The following SLC19A1 variants were observed in gnomAD, a reference collection of about 807,000 sequenced individuals.
The protein encoded by SLC19A1 is reduced folate transporter.
In SLC19A1, 37 loss-of-function variants were observed where a neutral mutation model predicts 35.3. That is an observed-to-expected ratio of 1.05 (90% CI 0.81 to 1.38). The LOEUF (loss-of-function observed/expected upper bound fraction) is 1.38, where lower values mean the gene tolerates loss of function less well. SLC19A1 is among the 40% of genes most tolerant of loss of function. The pLI, the probability that SLC19A1 is intolerant of heterozygous loss-of-function variation, is 0.00. For missense variants in SLC19A1, 831 were observed against 826.9 expected, an observed-to-expected ratio of 1.00 and a Z score of -0.06; for synonymous variants, 460 against 398.5, an observed-to-expected ratio of 1.15 and a Z score of -1.84.
Position 45,512,703 on chromosome 21 carries a change from C to T in SLC19A1, c.*2955G>A, listed in dbSNP as rs540888320. On this transcript the variant is annotated 3_prime_UTR_variant, in exon 6 of 6. Coordinates refer to ENST00000311124, the MANE Select transcript of SLC19A1 (RefSeq NM_194255.4). ...GCAACCTCTTGGCCTGATCAGACCA[C>T]GGCTCGATTTCTCCAGGATTTCCTG... The T allele has an allele frequency of 1.3e-4, 61 of 461,676 alleles. No homozygotes were observed. The highest frequency in any genetic ancestry group is 1.9e-4 in the Non-Finnish European group (49 of 251,454). 28.6% of individuals were successfully genotyped at this position (461,676 alleles called of 1,614,324 possible). A position where few individuals can be genotyped will look rare whatever the true frequency, so the allele number is the denominator to read the frequency against.
chr21:45,538,064 C>T (rs909435317), intron 1 of SLC19A1, 56 bp from the exon 2 acceptor site: 2 of 1,068,544 alleles, frequency 1.9e-6, no homozygotes, highest in Non-Finnish European at 2.6e-6. Flanking sequence ...GGCCTCCCTA[C>T]CCCGCAAAAC....
intron 5 of SLC19A1, among the ~76,000 whole-genome samples, chr21:45,519,570 CAAAA>C (rs57639933): frequency 5.9e-4 from 34 of 57,224 alleles, no homozygotes; most frequent in Admixed American, 1.6e-3. Flanking sequence ...AACTTCTGAG[CAAAA>C]AAAAAAAAAA....
At chr21:45,511,356 C>T (rs551693979), downstream of SLC19A1, 30 of 686,584 alleles carry the variant, frequency 4.4e-5, no homozygotes, top group African/African-American at 5.1e-4. Context: ...TTTAAAATTA[C>T]AAAATCCAAA....
exon 1 of SLC19A1, among the ~76,000 whole-genome samples, chr21:45,562,867 T>G (rs146086949): frequency 2.0e-5 from 3 of 152,208 alleles, no homozygotes; most frequent in East Asian, 3.9e-4. Flanking sequence ...AGTGTCTAGG[T>G]GTGAATGGAT....
chr21:45,526,070 G>T (rs1433086642), intron 4 of SLC19A1, 112 bp from the exon 5 acceptor site: 2 of 1,179,026 alleles, frequency 1.7e-6, no homozygotes, highest in Admixed American at 2.1e-5. Context: ...GCAGCCACGG[G>T]GTCCCAGGGC....
chr21:45,510,277 C>A, downstream of SLC19A1: 3 of 1,588,224 alleles, frequency 1.9e-6, no homozygotes, highest in Non-Finnish European at 2.6e-6. Flanking sequence ...TCAGTCCAGT[C>A]CTGAGGGCGC....
At chr21:45,521,042 A>G (rs1333023188) in intron 5 of SLC19A1, among the ~76,000 whole-genome samples, 2 of 151,924 alleles carry the variant, frequency 1.3e-5, no homozygotes, top group Non-Finnish European at 2.9e-5. Flanking sequence ...AAACAAACGA[A>G]AAAAAGATAC....
chr21:45,509,410 C>T (rs943626418), downstream of SLC19A1: 2 of 1,541,640 alleles, frequency 1.3e-6, no homozygotes, highest in Non-Finnish European at 8.7e-7. Context: ...CGACAGCAAC[C>T]CCTACCCGCG....
rs2078027425 is a variant in SLC19A1, at chr21:45,534,114, C to T, written c.190-1966G>A. The stretch of plus-strand genomic sequence containing the variant: ...AGGACATTCCGGGACACTCTGAGGG[C>T]AGGTTATGTGCCAGGAGGCTGAGTG... On this transcript the variant is annotated intron_variant, in intron 2 of 5. Coordinates refer to ENST00000311124, the MANE Select transcript of SLC19A1 (RefSeq NM_194255.4). This position sits in a 1 kb window ranked among gnomAD's most constrained non-coding sequence, Gnocchi z 4.2. Among the ~76,000 whole-genome samples, 2 of 152,290 alleles carry T rather than the reference C, an allele frequency of 1.3e-5. No homozygotes were observed. Among genetic ancestry groups the T allele is most frequent in the South Asian group, 2.1e-4 (1 of 4,826 alleles).
Position 45,537,846 on chromosome 21 carries a change from C to A in SLC19A1, c.114G>T (p.Met38Ile). The change falls in exon 2 of 6, where the codon ATG (methionine) becomes ATT (isoleucine). Residue 38 changes from methionine to isoleucine, a missense_variant. Physicochemically the swap from Met to Ile is conservative, Grantham distance 10. Coordinates refer to ENST00000311124, the MANE Select transcript of SLC19A1 (RefSeq NM_194255.4). ...AGCTCTCCCCTGGCCGTATCTGCGC[C>A]ATGAAGCCGTAGAAGCAAAGGTAGC... is the stretch of plus-strand genomic sequence containing the variant. Reference protein sequence around the residue: ...LVCYLCFYGFMAQIRPGESFI... With the variant: ...LVCYLCFYGFIAQIRPGESFI... The A allele has an allele frequency of 6.2e-7, 1 of 1,608,536 alleles. No homozygotes were observed. The highest frequency in any genetic ancestry group is 1.1e-5 in the South Asian group (1 of 90,382).
At chr21:45,509,678 C>T, downstream of SLC19A1, 3 of 846,860 alleles carry the variant, frequency 3.5e-6, no homozygotes, top group Non-Finnish European at 3.9e-6. Flanking sequence ...CCAGCCCCTG[C>T]AGAGCTGCTG....
chr21:45,517,742 C>G lies in SLC19A1; in HGVS notation c.1294-1602G>C, dbSNP rs1261590502. 6.6e-6 allele frequency among the ~76,000 whole-genome samples: 1 copy of G among 152,092 alleles called. No homozygotes were observed. The highest frequency in any genetic ancestry group is 2.1e-4 in the South Asian group (1 of 4,828). ...CCCAGCAATAATGAGAATGTCCCAA[C>G]CCCAGGGGCATCAAGGGGGCCACGA... On this transcript the variant is annotated intron_variant, in intron 5 of 5. Coordinates refer to ENST00000311124, the MANE Select transcript of SLC19A1 (RefSeq NM_194255.4). This position sits in a 1 kb window ranked among gnomAD's most constrained non-coding sequence, Gnocchi z 4.4.
In SLC19A1 at chr21:45,534,477, C is replaced by T. The variant is rs1178787544; in HGVS notation, c.190-2329G>A. On this transcript the variant is annotated intron_variant, in intron 2 of 5. Coordinates refer to ENST00000311124, the MANE Select transcript of SLC19A1 (RefSeq NM_194255.4). The surrounding 1 kb of genome is among the most constrained non-coding windows in gnomAD (Gnocchi z 4.2). The stretch of plus-strand genomic sequence containing the variant: ...ATGGTAGACAGCCAGCAGAGAGGCT[C>T]TCCCCAGACCCCACGGCTCTCTGGA... 7.7e-7 allele frequency: 1 copy of T among 1,296,326 alleles called. No homozygotes were observed. Among genetic ancestry groups the T allele is most frequent in the South Asian group, 1.3e-5 (1 of 78,836 alleles). The allele number at this position is 1,296,326 out of a possible 1,614,324, so 80.3% of individuals were successfully genotyped here.
chr21:45,548,035 T>C (rs1200813806), upstream of SLC19A1, among the ~76,000 whole-genome samples: 1 of 152,192 alleles, frequency 6.6e-6, no homozygotes, highest in Non-Finnish European at 1.5e-5. Flanking sequence ...GCCAGAACAA[T>C]TGTGACTAAG....
chr21:45,528,279 C>T (rs1400879424), intron 4 of SLC19A1, among the ~76,000 whole-genome samples: 2 of 151,940 alleles, frequency 1.3e-5, no homozygotes, highest in African/African-American at 4.9e-5. Flanking sequence ...TCCAAGGACA[C>T]TCAGAAACAC....
intron 1 of SLC19A1, among the ~76,000 whole-genome samples, chr21:45,551,668 T>G (rs1188290819): frequency 6.6e-6 from 1 of 152,220 alleles, no homozygotes; most frequent in African/African-American, 2.4e-5. Flanking sequence ...TTTTGTGAAA[T>G]TGTTTTGAGC....
intron 3 of SLC19A1, chr21:45,505,811 C>G: frequency 1.9e-6 from 3 of 1,588,302 alleles, no homozygotes; most frequent in Non-Finnish European, 1.7e-6. Context: ...CCGCCAAGCC[C>G]CACACCTCTG....
intron 5 of SLC19A1, among the ~76,000 whole-genome samples, chr21:45,524,766 G>A (rs2077548564): frequency 9.1e-6 from 1 of 110,062 alleles, no homozygotes; most frequent in Admixed American, 9.0e-5. Context: ...CTGGGCCTTG[G>A]AGGCTCATCA....
upstream of SLC19A1, among the ~76,000 whole-genome samples, chr21:45,542,847 T>C (rs1202751559): frequency 1.4e-5 from 2 of 138,250 alleles, no homozygotes; most frequent in Admixed American, 1.5e-4. Context: ...TGCGTTTTCC[T>C]TTTGGCACCC....
Sources: allele counts gnomAD v4.1 joint callset (sites outside exome capture counted in the v4.1 genomes callset), GRCh38; gene constraint gnomAD v4.1.1; non-coding constraint Gnocchi (gnomAD v3.1); transcripts MANE v1.5; gene names NCBI Gene and HGNC (gene_info 2026-07-23, HGNC 2026-07-21).